Variants in INPP4B observed in about 807,000 individuals in gnomAD.
INPP4B encodes the protein inositol polyphosphate-4-phosphatase type II B.
INPP4B carries 55 observed loss-of-function variants against 122.5 expected under a neutral mutation model. The observed-to-expected ratio is 0.45, with a 90% CI of 0.36 to 0.56. The LOEUF (loss-of-function observed/expected upper bound fraction) is 0.56, where lower values mean the gene tolerates loss of function less well. Among genes scored for constraint, INPP4B ranks in the 20% least tolerant of loss-of-function variants. The pLI, the probability that INPP4B is intolerant of heterozygous loss-of-function variation, is 0.00. For missense variants in INPP4B, 1,000 were observed against 1,097.7 expected, an observed-to-expected ratio of 0.91 and a Z score of 1.26; for synonymous variants, 403 against 388.7, an observed-to-expected ratio of 1.04 and a Z score of -0.43.
intron 12 of INPP4B, among the ~76,000 whole-genome samples, chr4:142,232,000 T>C (rs1854586606): frequency 6.6e-6 from 1 of 152,142 alleles, no homozygotes; most frequent in Admixed American, 6.5e-5. Context: ...ACAGCTACAA[T>C]TAATCATGCA....
chr4:142,146,931 T>C (rs1811062452), intron 17 of INPP4B, among the ~76,000 whole-genome samples: 1 of 152,202 alleles, frequency 6.6e-6, no homozygotes, highest in African/African-American at 2.4e-5. Flanking sequence ...AGGTAATGCA[T>C]GCAACTTAAT....
chr4:142,826,219 C>T (rs1352111290), intron 1 of INPP4B, among the ~76,000 whole-genome samples: 3 of 152,072 alleles, frequency 2.0e-5, no homozygotes, highest in Non-Finnish European at 2.9e-5. Context: ...CCCCAGAATT[C>T]AGCTGGTTAA....
intron 2 of INPP4B, among the ~76,000 whole-genome samples, chr4:142,641,702 A>G (rs1196719035): frequency 6.6e-6 from 1 of 152,122 alleles, no homozygotes; most frequent in Non-Finnish European, 1.5e-5. Flanking sequence ...AGTCTTTGCT[A>G]TTGTGAGTAG....
intron 1 of INPP4B, among the ~76,000 whole-genome samples, chr4:142,806,845 AAGAAAGG>A (rs1481568620): frequency 5.3e-5 from 8 of 150,898 alleles, no homozygotes; most frequent in South Asian, 4.2e-4. Context: ...GAAAGAAAGA[AAGAAAGG>A]AGAAGAAAAA....
chr4:142,461,749 A>G (rs1816784099), intron 3 of INPP4B, among the ~76,000 whole-genome samples: 1 of 152,168 alleles, frequency 6.6e-6, no homozygotes, highest in South Asian at 2.1e-4. Context: ...ATTTCCCAAT[A>G]TAATCCTTAT....
At chr4:142,308,283 C>T (rs535973478) in intron 8 of INPP4B, among the ~76,000 whole-genome samples, 5 of 152,286 alleles carry the variant, frequency 3.3e-5, no homozygotes, top group African/African-American at 9.6e-5. Flanking sequence ...ATCTGGATAA[C>T]GATGGCATCA....
chr4:142,173,095 T>G (rs1045591409), intron 16 of INPP4B, among the ~76,000 whole-genome samples: 2 of 151,956 alleles, frequency 1.3e-5, no homozygotes, highest in African/African-American at 2.4e-5. Flanking sequence ...AGGCTTAGAT[T>G]ATACTGCTTT....
intron 21 of INPP4B, among the ~76,000 whole-genome samples, chr4:142,115,758 A>G (rs1041036626): frequency 7.9e-5 from 12 of 152,076 alleles, no homozygotes; most frequent in African/African-American, 2.2e-4. Context: ...ATCAACTAAC[A>G]AGCAAAATAA....
chr4:142,755,412 C>T (rs1770363481), intron 1 of INPP4B, among the ~76,000 whole-genome samples: 1 of 151,998 alleles, frequency 6.6e-6, no homozygotes, highest in South Asian at 2.1e-4. Flanking sequence ...TATATTTCCT[C>T]TCCCTGATGC....
intron 3 of INPP4B, among the ~76,000 whole-genome samples, chr4:142,441,816 C>CTT (rs34592495): frequency 1.3e-4 from 18 of 142,142 alleles, no homozygotes; most frequent in African/African-American, 4.4e-4. Flanking sequence ...TAAGAAATAG[C>CTT]TTTTTTTTTT....
At chr4:142,298,222 A>C (rs1759676566) in intron 9 of INPP4B, among the ~76,000 whole-genome samples, 1 of 152,206 alleles carries the variant, frequency 6.6e-6, no homozygotes, top group African/African-American at 2.4e-5. Flanking sequence ...TCCACAAAGA[A>C]GAGTTGGGAC....
At chr4:142,029,923 A>T in intron 25 of INPP4B, 1 of 1,257,924 alleles carries the variant, frequency 7.9e-7, no homozygotes, top group South Asian at 2.6e-5. Flanking sequence ...ACAGTGGGAA[A>T]CACCTTTCCA....
intron 2 of INPP4B, among the ~76,000 whole-genome samples, chr4:142,678,201 G>A (rs1359856587): frequency 6.6e-6 from 1 of 151,598 alleles, no homozygotes; most frequent in East Asian, 1.9e-4. Flanking sequence ...CCTAATAATT[G>A]GCCATTAGAG....
intron 24 of INPP4B, 84 bp downstream of exon 24, chr4:142,086,060 G>A (rs1222580556): frequency 1.1e-6 from 1 of 899,190 alleles, no homozygotes; most frequent in African/African-American, 1.7e-5. Flanking sequence ...AAAGTGCAGA[G>A]GTTGGACCCT....
rs184314278 is a variant in INPP4B, at chr4:142,255,540, C to G, written c.688+4952G>C. 4.5e-3 allele frequency among the ~76,000 whole-genome samples: 685 copies of G among 152,178 alleles called. 5 individuals carry two copies. Among genetic ancestry groups the G allele is most frequent in the African/African-American group, 0.016 (647 of 41,504 alleles). ...CCAAGCAAATGGAAAACAAAAAAGGCAGGGGTTGCAATCCTAGTTTCTGAT... is the reference window on the plus strand; with the variant it reads ...CCAAGCAAATGGAAAACAAAAAAGGGAGGGGTTGCAATCCTAGTTTCTGAT... On this transcript the variant is annotated intron_variant, in intron 11 of 25. Coordinates refer to ENST00000262992, the MANE Select transcript of INPP4B (RefSeq NM_001101669.3).
intron 12 of INPP4B, among the ~76,000 whole-genome samples, chr4:142,218,050 G>GTGTT (rs1848034976): frequency 6.6e-6 from 1 of 151,882 alleles, no homozygotes; most frequent in South Asian, 2.1e-4. Flanking sequence ...GTGTGTGTGT[G>GTGTT]TGTGTGTGTG....
intron 23 of INPP4B, among the ~76,000 whole-genome samples, chr4:142,104,607 A>G (rs1277955866): frequency 6.6e-6 from 1 of 152,162 alleles, no homozygotes; most frequent in Non-Finnish European, 1.5e-5. Flanking sequence ...TGGTGGGAGA[A>G]ACACACAATA....
At position 142,435,680 on chromosome 4, in the gene INPP4B, G is replaced by A. The variant is rs376497410; in HGVS notation, c.-126-4295C>T. Reference sequence around the variant, plus strand: ...TGGCTGCCCACCTGAGAGCCATACGGGGAGGGGAGCCCCCATACCCAGACA... The same window carrying A: ...TGGCTGCCCACCTGAGAGCCATACGAGGAGGGGAGCCCCCATACCCAGACA... On this transcript the variant is annotated intron_variant, in intron 3 of 25. Coordinates refer to ENST00000262992, the MANE Select transcript of INPP4B (RefSeq NM_001101669.3). 2.4e-4 allele frequency among the ~76,000 whole-genome samples: 37 copies of A among 152,360 alleles called. No individual in the cohort carries two copies. The South Asian group carries it at 7.7e-3, about 32-fold the overall frequency.
At chr4:142,675,312 C>T (rs1757587307) in intron 2 of INPP4B, among the ~76,000 whole-genome samples, 1 of 152,042 alleles carries the variant, frequency 6.6e-6, no homozygotes, top group South Asian at 2.1e-4. Flanking sequence ...GAAGGCGATT[C>T]CCTGAATAGA....
Sources: allele counts gnomAD v4.1 joint callset (sites outside exome capture counted in the v4.1 genomes callset), GRCh38; gene constraint gnomAD v4.1.1; transcripts MANE v1.5; gene names NCBI Gene and HGNC (gene_info 2026-07-23, HGNC 2026-07-21).